The following SDC2 variants were observed in gnomAD, a reference collection of about 807,000 sequenced individuals.
SDC2 encodes syndecan-2.
In SDC2, 13 loss-of-function variants were observed where a neutral mutation model predicts 22.2. The ratio of observed to expected loss-of-function variants is 0.59; its 90% CI spans 0.38 to 0.93. The LOEUF (loss-of-function observed/expected upper bound fraction) is 0.93, where lower values mean the gene tolerates loss of function less well. Ranked by LOEUF, SDC2 falls within the 40% of genes least tolerant of loss-of-function variation. The pLI is 0.00. For synonymous variants in SDC2, 94 were observed against 92.8 expected (o/e 1.01, Z -0.07); for missense variants, 235 against 246.8 (o/e 0.95, Z 0.32).
intron 3 of SDC2, among the ~76,000 whole-genome samples, chr8:96,607,769 G>A (rs576680586): frequency 7.9e-5 from 12 of 152,258 alleles, no homozygotes; most frequent in East Asian, 1.9e-4. Flanking sequence ...AGCTACTTGC[G>A]CAATCCAAGT....
chr8:96,546,940 C>G (rs1361068823), intron 1 of SDC2, among the ~76,000 whole-genome samples: 2 of 152,120 alleles, frequency 1.3e-5, no homozygotes, highest in Non-Finnish European at 1.5e-5. Context: ...ATTAATGGAC[C>G]CAGCAGAGCA....
chr8:96,526,154 G>A (rs1411642653), intron 1 of SDC2, among the ~76,000 whole-genome samples: 1 of 152,200 alleles, frequency 6.6e-6, no homozygotes, highest in African/African-American at 2.4e-5. Context: ...TTTCGGTCCT[G>A]TGGGCCTCCC....
chr8:96,581,952 C>T (rs139911728), intron 1 of SDC2, among the ~76,000 whole-genome samples: 130 of 152,222 alleles, frequency 8.5e-4, no homozygotes, highest in Non-Finnish European at 1.5e-3. Context: ...TTCTAAAATG[C>T]GTTTGCTTTG....
At chr8:96,560,980 T>A (rs1586300425) in intron 1 of SDC2, among the ~76,000 whole-genome samples, 1 of 152,250 alleles carries the variant, frequency 6.6e-6, no homozygotes, top group East Asian at 1.9e-4. Flanking sequence ...GTGGCACGCC[T>A]GTAATCCCAG....
chr8:96,557,770 TATAATA>T, intron 1 of SDC2, among the ~76,000 whole-genome samples: 1 of 152,016 alleles, frequency 6.6e-6, no homozygotes, highest in South Asian at 2.1e-4. Context: ...AAACTTAAAG[TATAATA>T]ATAAAAAAAA....
chr8:96,607,339 C>T (rs889019448), intron 3 of SDC2, among the ~76,000 whole-genome samples: 3 of 151,954 alleles, frequency 2.0e-5, no homozygotes, highest in Non-Finnish European at 2.9e-5. Flanking sequence ...GCCACCTGAA[C>T]GAAGCTGTGG....
chr8:96,577,104 C>G (rs563190243), intron 1 of SDC2, among the ~76,000 whole-genome samples: 1 of 152,304 alleles, frequency 6.6e-6, no homozygotes, highest in Admixed American at 6.5e-5. Context: ...ATCTTGCTTT[C>G]TTGCTTGATG....
rs1813002419 is a variant in SDC2 at position 96,493,917 on chromosome 8, C to T, written c.-355C>T. The stretch of plus-strand genomic sequence containing the variant: ...AAGCCAGCGAATTTATTCCTTAAAA[C>T]CAGAAACTGAACCTCGGCACGGGAA... On this transcript the variant is annotated 5_prime_UTR_variant, in exon 1 of 5. Coordinates refer to ENST00000302190, the MANE Select transcript of SDC2 (RefSeq NM_002998.4). 6.8e-6 allele frequency: 2 copies of T among 292,430 alleles called. No homozygotes were observed. Among genetic ancestry groups the T allele is most frequent in the African/African-American group, 4.4e-5 (2 of 45,128 alleles). The allele number at this position is 292,430 out of a possible 1,614,324, so 18.1% of individuals were successfully genotyped here.
intron 1 of SDC2, among the ~76,000 whole-genome samples, chr8:96,561,105 AAAT>A (rs1048047301): frequency 2.6e-5 from 4 of 152,180 alleles, no homozygotes; most frequent in African/African-American, 9.7e-5. Flanking sequence ...TGCTGTCTCA[AAAT>A]AATAATAATA....
At chr8:96,519,923 C>T (rs1052032028) in intron 1 of SDC2, among the ~76,000 whole-genome samples, 19 of 152,144 alleles carry the variant, frequency 1.2e-4, no homozygotes, top group Non-Finnish European at 2.1e-4. Flanking sequence ...CCACCACGCT[C>T]GGCGTTAGAA....
chr8:96,581,406 A>G (rs986069677), intron 1 of SDC2, among the ~76,000 whole-genome samples: 2 of 152,176 alleles, frequency 1.3e-5, no homozygotes, highest in Admixed American at 6.5e-5. Context: ...AGGCGGGCAG[A>G]TCACTTGAGG....
At chr8:96,565,247 G>C (rs180883794) in intron 1 of SDC2, among the ~76,000 whole-genome samples, 1 of 150,546 alleles carries the variant, frequency 6.6e-6, no homozygotes, top group East Asian at 2.0e-4. Flanking sequence ...ACCACACCCA[G>C]CTAATTTTGT....
chr8:96,605,808 A>G (rs1291303825), intron 3 of SDC2, among the ~76,000 whole-genome samples: 1 of 152,204 alleles, frequency 6.6e-6, no homozygotes, highest in Non-Finnish European at 1.5e-5. Context: ...CTAGAGTACA[A>G]ATGGATCCAC....
chr8:96,594,698 A>G (rs920527213), intron 2 of SDC2, among the ~76,000 whole-genome samples: 14 of 152,220 alleles, frequency 9.2e-5, no homozygotes, highest in African/African-American at 3.4e-4. Flanking sequence ...TCACCCTGCT[A>G]ACAACACAGG....
chr8:96,511,002 G>A (rs529991181), intron 1 of SDC2, among the ~76,000 whole-genome samples: 80 of 152,260 alleles, frequency 5.3e-4, no homozygotes, highest in African/African-American at 1.8e-3. Flanking sequence ...AGTGGTTCTC[G>A]AAGTAGGGAC....
At chr8:96,525,469 C>T (rs1257835417) in intron 1 of SDC2, among the ~76,000 whole-genome samples, 3 of 152,194 alleles carry the variant, frequency 2.0e-5, no homozygotes, top group Admixed American at 6.5e-5. Flanking sequence ...TGCACCCCAT[C>T]CTGCCTGGGC....
At chr8:96,519,072 A>G (rs1813454113) in intron 1 of SDC2, among the ~76,000 whole-genome samples, 1 of 152,136 alleles carries the variant, frequency 6.6e-6, no homozygotes, top group Admixed American at 6.5e-5. Flanking sequence ...CCCTTGCGTG[A>G]CAATTTTCTG....
chr8:96,538,326 T>A (rs1216281828), intron 1 of SDC2, among the ~76,000 whole-genome samples: 1 of 152,128 alleles, frequency 6.6e-6, no homozygotes, highest in Non-Finnish European at 1.5e-5. Flanking sequence ...AATAACAAAG[T>A]CAATATGAAA....
chr8:96,507,319 G>A (rs960366264), intron 1 of SDC2, among the ~76,000 whole-genome samples: 1 of 152,190 alleles, frequency 6.6e-6, no homozygotes, highest in African/African-American at 2.4e-5. Context: ...AGCACCTAAT[G>A]CACTTATTTC....
Sources: gnomAD v4.1 joint callset for allele counts (sites outside exome capture counted in the v4.1 genomes callset) on GRCh38, gnomAD v4.1.1 for gene constraint, MANE v1.5 for transcripts, NCBI Gene and HGNC (gene_info 2026-07-23, HGNC 2026-07-21) for gene names.